SYT16: variants seen among roughly 807,000 people sequenced by gnomAD.
SYT16 encodes synaptotagmin-16.
Under a neutral mutation model 61.4 loss-of-function variants are expected in SYT16, and 42 were observed. The ratio of observed to expected loss-of-function variants is 0.68; its 90% CI spans 0.53 to 0.89. The LOEUF (loss-of-function observed/expected upper bound fraction) is 0.89, where lower values mean the gene tolerates loss of function less well. Ranked by LOEUF, SYT16 falls within the 40% of genes least tolerant of loss-of-function variation. SYT16 has a pLI of 0.00. For missense variants in SYT16, 804 were observed against 807.3 expected, an observed-to-expected ratio of 1.00 and a Z score of 0.05; for synonymous variants, 314 against 302.3, an observed-to-expected ratio of 1.04 and a Z score of -0.40.
chr14:61,900,009 A>C (rs2048456054), intron 1 of SYT16, among the ~76,000 whole-genome samples: 1 of 152,216 alleles, frequency 6.6e-6, no homozygotes, highest in African/African-American at 2.4e-5. Flanking sequence ...ATCACATATC[A>C]CACACTGTTG....
At chr14:61,961,696 A>C (rs1044524763) in intron 1 of SYT16, among the ~76,000 whole-genome samples, 18 of 152,220 alleles carry the variant, frequency 1.2e-4, no homozygotes, top group African/African-American at 3.6e-4. Flanking sequence ...GCTATTGTGG[A>C]AAGCAGGTTA....
rs761961418 is a variant in SYT16, at chr14:61,996,256, G to C, written c.237G>C (p.Glu79Asp). ...AACAAGACAATGATTGGAGTCAAGA[G>C]GATGCAAATTCCTTGTTTCTTGAAG... ...DEEQDNDWSQ[E>D]DANSLFLEVD... The change falls in exon 3 of 8, where the codon GAG becomes GAC. Residue 79 changes from glutamate to aspartate, a missense_variant. Glu to Asp is a conservative substitution (Grantham distance 45). Coordinates refer to ENST00000683842, the MANE Select transcript of SYT16 (RefSeq NM_001367656.1). 55 of 1,613,480 alleles carry C rather than the reference G, an allele frequency of 3.4e-5. No homozygotes were observed. The highest frequency in any genetic ancestry group is 4.6e-5 in the Non-Finnish European group (54 of 1,179,652).
chr14:61,912,916 A>AGAAT, intron 1 of SYT16, among the ~76,000 whole-genome samples: 2 of 152,342 alleles, frequency 1.3e-5, no homozygotes, highest in East Asian at 3.9e-4. Flanking sequence ...TAGGCATTCA[A>AGAAT]GAATGAATGA....
intron 1 of SYT16, among the ~76,000 whole-genome samples, chr14:61,858,849 C>CTT (rs1426232520): frequency 2.7e-5 from 4 of 149,434 alleles, no homozygotes; most frequent in Non-Finnish European, 5.9e-5. Context: ...TTTTTCTTTT[C>CTT]TTTTCTTTTC....
intron 1 of SYT16, among the ~76,000 whole-genome samples, chr14:61,827,283 C>T (rs563812325): frequency 5.9e-5 from 9 of 152,278 alleles, no homozygotes; most frequent in African/African-American, 2.2e-4. Context: ...AATGACAGAA[C>T]CATTCTGGGA....
intron 1 of SYT16, chr14:61,864,982 C>T (rs1166251274): frequency 2.9e-6 from 4 of 1,389,344 alleles, no homozygotes; most frequent in Non-Finnish European, 4.1e-6. Flanking sequence ...GTCTGGGCCC[C>T]TCTTACAGTG....
At chr14:61,938,329 G>C (rs1243192805) in intron 1 of SYT16, among the ~76,000 whole-genome samples, 1 of 151,954 alleles carries the variant, frequency 6.6e-6, no homozygotes, top group Non-Finnish European at 1.5e-5. Context: ...GGGCCTTCAA[G>C]GGCTTCACAA....
chr14:61,909,959 T>C (rs1348343208), intron 1 of SYT16, among the ~76,000 whole-genome samples: 1 of 152,166 alleles, frequency 6.6e-6, no homozygotes, highest in East Asian at 1.9e-4. Flanking sequence ...TGCATCACAC[T>C]GGTTTTGTTG....
intron 3 of SYT16, among the ~76,000 whole-genome samples, chr14:62,025,476 G>A (rs904704069): frequency 6.6e-6 from 1 of 152,000 alleles, no homozygotes; most frequent in Non-Finnish European, 1.5e-5. Flanking sequence ...TTTAAGAGTT[G>A]TCTGTATACT....
intron 1 of SYT16, among the ~76,000 whole-genome samples, chr14:61,943,816 C>T (rs1043331864): frequency 5.9e-5 from 9 of 152,152 alleles, no homozygotes; most frequent in African/African-American, 1.7e-4. Context: ...CCTTTGAAAA[C>T]CGGCACAAGA....
At chr14:61,906,783 G>GTCTGTCCATCCA (rs1555355256) in intron 1 of SYT16, among the ~76,000 whole-genome samples, 1 of 57,674 alleles carries the variant, frequency 1.7e-5, no homozygotes, top group African/African-American at 1.0e-4. Flanking sequence ...CCATCCGTCC[G>GTCTGTCCATCCA]TCCGTCCATC....
chr14:61,870,644 AGTCTTTTTACTCT>A (rs2047303497), intron 1 of SYT16, among the ~76,000 whole-genome samples: 1 of 152,038 alleles, frequency 6.6e-6, no homozygotes, highest in Non-Finnish European at 1.5e-5. Flanking sequence ...TTTTCTTAAA[AGTCTTTTTACTCT>A]GTGTGTTTTA....
At chr14:61,812,628 G>GGGCGCTGGGC (rs2045301780), upstream of SYT16, 3 of 147,042 alleles carry the variant, frequency 2.0e-5, no homozygotes, top group Non-Finnish European at 3.0e-5. Context: ...GGCGGCTGCT[G>GGGCGCTGGGC]GGCGCGGGGC....
At chr14:61,863,680 C>A (rs1044454945) in intron 1 of SYT16, among the ~76,000 whole-genome samples, 5 of 152,224 alleles carry the variant, frequency 3.3e-5, no homozygotes, top group African/African-American at 1.2e-4. Flanking sequence ...TGTAAAAAAT[C>A]ATCACCAAAT....
chr14:62,056,927 G>A (rs1274718073), intron 3 of SYT16, among the ~76,000 whole-genome samples: 5 of 152,198 alleles, frequency 3.3e-5, no homozygotes, highest in Admixed American at 2.0e-4. Flanking sequence ...CGAGCAGGGG[G>A]CACGGGATGC....
chr14:62,013,848 C>T (rs2053560642), intron 3 of SYT16, among the ~76,000 whole-genome samples: 1 of 152,038 alleles, frequency 6.6e-6, no homozygotes, highest in Admixed American at 6.6e-5. Flanking sequence ...CCTGTAGTCC[C>T]AGCTACTTGA....
chr14:61,903,801 T>TAACAAGTA (rs1275341191), intron 1 of SYT16, among the ~76,000 whole-genome samples: 64 of 152,336 alleles, frequency 4.2e-4, no homozygotes, highest in African/African-American at 1.5e-3. Flanking sequence ...TCATAAGCTT[T>TAACAAGTA]AACAAGTAAA....
At chr14:61,979,830 C>T (rs371697775) in intron 2 of SYT16, among the ~76,000 whole-genome samples, 3 of 152,002 alleles carry the variant, frequency 2.0e-5, no homozygotes, top group Admixed American at 6.6e-5. Flanking sequence ...TGCAGTGAGT[C>T]GAGATTGTGC....
intron 3 of SYT16, among the ~76,000 whole-genome samples, chr14:62,004,484 TAGAA>T (rs1442658345): frequency 6.6e-6 from 1 of 152,068 alleles, no homozygotes; most frequent in Non-Finnish European, 1.5e-5. Context: ...TTGGGAATCT[TAGAA>T]AGATCTTAAT....
Sources: gnomAD v4.1 joint callset for allele counts (sites outside exome capture counted in the v4.1 genomes callset) on GRCh38, gnomAD v4.1.1 for gene constraint, MANE v1.5 for transcripts, NCBI Gene and HGNC (gene_info 2026-07-23, HGNC 2026-07-21) for gene names.